The following ATP2A3 variants were observed in gnomAD, a reference collection of about 807,000 sequenced individuals.
ATP2A3 encodes the protein sarcoplasmic/endoplasmic reticulum calcium ATPase 3.
ATP2A3 carries 61 observed loss-of-function variants against 106.8 expected under a neutral mutation model. The observed-to-expected ratio is 0.57, with a 90% CI of 0.46 to 0.71. The LOEUF (loss-of-function observed/expected upper bound fraction) is 0.71, where lower values mean the gene tolerates loss of function less well. Among genes scored for constraint, ATP2A3 ranks in the 30% least tolerant of loss-of-function variants. ATP2A3 has a pLI of 0.00. For synonymous variants in ATP2A3, 611 were observed against 609.3 expected (o/e 1.00, Z -0.04); for missense variants, 1,201 against 1,423.5 (o/e 0.84, Z 2.52).
rs1371108070 is a variant in ATP2A3 at position 3,955,229 on chromosome 17, A to T, written c.119-1519T>A. ...CCTCCTTCTTCCTGACACTGGAAAC[A>T]GGTCCTTGCATTGGTCCACCTGTTT... On this transcript the variant is annotated intron_variant, in intron 1 of 20. Coordinates refer to ENST00000397041, the MANE Select transcript of ATP2A3 (RefSeq NM_005173.4). This position sits in a 1 kb window ranked among gnomAD's most constrained non-coding sequence, Gnocchi z 4.2. 6.6e-6 allele frequency among the ~76,000 whole-genome samples: 1 copy of T among 152,112 alleles called. No individual in the cohort carries two copies. The highest frequency in any genetic ancestry group is 1.5e-5 in the Non-Finnish European group (1 of 68,026).
chr17:3,935,423 T>C (rs8068346), intron 16 of ATP2A3, 146 bp from the exon 17 acceptor site: 98,692 of 728,176 alleles, frequency 0.14, 7,615 homozygotes, highest in African/African-American at 0.21. Context: ...CTCCCCTCGA[T>C]GCCAGTGGTG....
chr17:3,945,229 C>CGA, intron 8 of ATP2A3, 81 bp from the exon 9 acceptor site: 1 of 1,367,774 alleles, frequency 7.3e-7, no homozygotes, highest in Non-Finnish European at 1.0e-6. Flanking sequence ...AGGGTGGGGT[C>CGA]CTGCAGGCCC....
intron 1 of ATP2A3, among the ~76,000 whole-genome samples, chr17:3,958,888 A>ATC (rs2054979636): frequency 8.1e-6 from 1 of 123,160 alleles, no homozygotes; most frequent in African/African-American, 3.3e-5. Flanking sequence ...ACACACACAC[A>ATC]TATATATATA....
chr17:3,951,005 C>G (rs1011930921), intron 5 of ATP2A3, among the ~76,000 whole-genome samples: 2 of 151,840 alleles, frequency 1.3e-5, no homozygotes, highest in Non-Finnish European at 1.5e-5. Context: ...GCCGGAATGA[C>G]GGAGGCACAG....
rs188596441 is a variant in ATP2A3, at chr17:3,924,578, A to G, written c.*844T>C. ...GAGGATGTCGGTGGTCTCAGGTACC[A>G]GGGACGCGGGTGGCAAGTTGGACCT... On this transcript the variant is annotated 3_prime_UTR_variant, in exon 21 of 21. Coordinates refer to ENST00000397041, the MANE Select transcript of ATP2A3 (RefSeq NM_005173.4). The surrounding 1 kb of genome is among the most constrained non-coding windows in gnomAD (Gnocchi z 6.4). The G allele has an allele frequency of 1.5e-4, 53 of 350,652 alleles. 1 individual carries two copies. The highest frequency in any genetic ancestry group is 2.1e-3 in the Middle Eastern group (2 of 964). The allele number at this position is 350,652 out of a possible 1,614,324, so 21.7% of individuals were successfully genotyped here.
In ATP2A3 at chr17:3,924,879, C is replaced by A; in HGVS notation, c.*543G>T. On this transcript the variant is annotated 3_prime_UTR_variant, in exon 21 of 21. Coordinates refer to ENST00000397041, the MANE Select transcript of ATP2A3 (RefSeq NM_005173.4). The surrounding 1 kb of genome is among the most constrained non-coding windows in gnomAD (Gnocchi z 6.4). ...AGCAGAGTGGAGTGGAGGGGGCTGC[C>A]CACCCTCGCTGTACACAGCTGGGCC... The A allele has an allele frequency of 2.2e-6, 1 of 456,826 alleles. No homozygotes were observed. Among genetic ancestry groups the A allele is most frequent in the Non-Finnish European group, 4.4e-6 (1 of 227,108 alleles). The allele number at this position is 456,826 out of a possible 1,614,324, so 28.3% of individuals were successfully genotyped here. A position where few individuals can be genotyped will look rare whatever the true frequency, so the allele number is the denominator to read the frequency against.
rs569474717 is a variant in ATP2A3, at chr17:3,950,977, AC to A, written c.464-205del. On this transcript the variant is annotated intron_variant, in intron 5 of 20. Coordinates refer to ENST00000397041, the MANE Select transcript of ATP2A3 (RefSeq NM_005173.4). Reference sequence around the variant, plus strand: ...AGGGCTTTGGAGGGATCCGACAGCCACCCCCTCTGTATATACGGCCGGAATG... The same window carrying A: ...AGGGCTTTGGAGGGATCCGACAGCCACCCCTCTGTATATACGGCCGGAATG... Among the ~76,000 whole-genome samples the A allele has an allele frequency of 1.7e-3, 251 of 151,880 alleles. 10 individuals carry two copies. In the South Asian group the frequency reaches 0.05, roughly 31 times the overall value.
rs1800912 is a variant in ATP2A3 at position 3,941,493 on chromosome 17, C to A, written c.1707G>T (p.Ala569=). ...GCTCCATGTCCTCCTTCCTTGGGGGCGCGTCCCGGGTGGCCAGTGCCAGGC... is the reference window on the plus strand; with the variant it reads ...GCTCCATGTCCTCCTTCCTTGGGGGAGCGTCCCGGGTGGCCAGTGCCAGGC... ...LRCLALATRD[A]PPRKEDMELD... Residue 569 remains alanine (A), a synonymous_variant, in exon 13 of 21, where the codon GCG becomes GCT. Coordinates refer to ENST00000397041, the MANE Select transcript of ATP2A3 (RefSeq NM_005173.4). 1.5e-5 allele frequency: 24 copies of A among 1,613,888 alleles called. No homozygotes were observed. The South Asian group carries it at 2.5e-4, about 17-fold the overall frequency.
At chr17:3,948,714 C>T (rs921486983) in intron 7 of ATP2A3, among the ~76,000 whole-genome samples, 96 of 152,246 alleles carry the variant, frequency 6.3e-4, no homozygotes, top group African/African-American at 2.2e-3. Context: ...CTACCATGCC[C>T]GGCCCCTCCA....
intron 8 of ATP2A3, among the ~76,000 whole-genome samples, chr17:3,946,180 G>A (rs1355430480): frequency 6.6e-6 from 1 of 151,536 alleles, no homozygotes; most frequent in African/African-American, 2.4e-5. Flanking sequence ...CCCAGAAGGC[G>A]GAGGTTGCAG....
At chr17:3,951,556 C>CCCCCCCCG in intron 4 of ATP2A3, 25 bp downstream of exon 4, 2 of 1,345,710 alleles carry the variant, frequency 1.5e-6, no homozygotes, top group Non-Finnish European at 2.1e-6. Flanking sequence ...GCCCCCCGCC[C>CCCCCCCCG]GGTCCCACCC....
chr17:3,947,846 T>C lies in ATP2A3; in HGVS notation c.640A>G (p.Ile214Val), dbSNP rs1370518728. The part of the protein sequence containing the change: ...KKNMLFSGTN[I>V]TSGKAVGVAV... ...ACACCCACCGCTTTGCCCGATGTGATATTGGTGCCCTGGCCAGGGGAGGGA... is the reference window on the plus strand; with the variant it reads ...ACACCCACCGCTTTGCCCGATGTGACATTGGTGCCCTGGCCAGGGGAGGGA... The change falls in exon 8 of 21, where the codon ATC (isoleucine) becomes GTC (valine). Residue 214 changes from isoleucine (I) to valine (V), a missense_variant. Ile to Val is a conservative substitution (Grantham distance 29). This residue lies in a region of ATP2A3 where 935 missense variants were observed against 1,176.7 expected (regional missense o/e 0.79). Coordinates refer to ENST00000397041, the MANE Select transcript of ATP2A3 (RefSeq NM_005173.4). This position sits in a 1 kb window ranked among gnomAD's most constrained non-coding sequence, Gnocchi z 7.7. 20 of 1,598,586 alleles carry C rather than the reference T, an allele frequency of 1.3e-5. No individual in the cohort carries two copies. The South Asian group carries it at 2.0e-4, about 16-fold the overall frequency.
chr17:3,958,377 T>C (rs2054905302), intron 1 of ATP2A3, among the ~76,000 whole-genome samples: 1 of 152,158 alleles, frequency 6.6e-6, no homozygotes, highest in Non-Finnish European at 1.5e-5. Context: ...TCCTGGAGCA[T>C]AGCAGGTGCT....
chr17:3,963,760 GGAGGCC>G (rs2055273607), intron 1 of ATP2A3, among the ~76,000 whole-genome samples: 1 of 152,236 alleles, frequency 6.6e-6, no homozygotes, highest in Admixed American at 6.5e-5. Flanking sequence ...GGGCCAGCTG[GGAGGCC>G]GAGCCTGAGT....
In ATP2A3 at chr17:3,947,660, T is replaced by C; in HGVS notation, c.826A>G (p.Ile276Val). 3 of 1,612,326 alleles carry C rather than the reference T, an allele frequency of 1.9e-6. No homozygotes were observed. The highest frequency in any genetic ancestry group is 2.5e-6 in the Non-Finnish European group (3 of 1,179,872). Residue 276 changes from isoleucine (I) to valine (V), a missense_variant, in exon 8 of 21, where the codon ATC becomes GTC. Coordinates refer to ENST00000397041, the MANE Select transcript of ATP2A3 (RefSeq NM_005173.4). The surrounding 1 kb of genome is among the most constrained non-coding windows in gnomAD (Gnocchi z 7.7). ...TGGGCCGGGTCGGCGAAGTGGCCGA[T>C]GTTGATGACCCACACGGCCACGCAG... is the stretch of plus-strand genomic sequence containing the variant. ...VICVAVWVIN[I>V]GHFADPAHGG...
chr17:3,928,679 G>A lies in ATP2A3; in HGVS notation c.2964C>T (p.Ser988=), dbSNP rs1440089628. Residue 988 remains serine (S), a synonymous_variant, in exon 20 of 21, where the codon TCC becomes TCT. Transcript: ENST00000397041. This position sits in a 1 kb window ranked among gnomAD's most constrained non-coding sequence, Gnocchi z 6.1. ...CCCACTCACCGTGCATGTGGTTCCGGGACAGGTACTTGAGGGCCTCATCCA... is the reference window on the plus strand; with the variant it reads ...CCCACTCACCGTGCATGTGGTTCCGAGACAGGTACTTGAGGGCCTCATCCA... ...ILLDEALKYL[S]RNHMHEEMSQ... 2 of 1,551,094 alleles carry A rather than the reference G, an allele frequency of 1.3e-6. No homozygotes were observed. Among genetic ancestry groups the A allele is most frequent in the Non-Finnish European group, 1.7e-6 (2 of 1,146,996 alleles).
At chr17:3,934,950 G>T in intron 17 of ATP2A3, 1 of 548,288 alleles carries the variant, frequency 1.8e-6, no homozygotes, top group Non-Finnish European at 3.3e-6. Flanking sequence ...CTGGCAGTGA[G>T]GCCTCTTGGT....
chr17:3,927,270 C>A, intron 20 of ATP2A3: 1 of 985,488 alleles, frequency 1.0e-6, no homozygotes, highest in Non-Finnish European at 1.2e-6. Context: ...GAGACACAGG[C>A]TTTTCCGTGC....
chr17:3,931,312 C>G (rs906384424), intron 17 of ATP2A3, among the ~76,000 whole-genome samples: 5 of 151,978 alleles, frequency 3.3e-5, no homozygotes, highest in Non-Finnish European at 7.4e-5. Context: ...GCTGATAACC[C>G]CTATAGCCTC....
Sources: allele counts gnomAD v4.1 joint callset (sites outside exome capture counted in the v4.1 genomes callset), GRCh38; gene constraint gnomAD v4.1.1; regional missense constraint gnomAD v4.1.1; non-coding constraint Gnocchi (gnomAD v3.1); transcripts MANE v1.5; gene names NCBI Gene and HGNC (gene_info 2026-07-23, HGNC 2026-07-21).